Variants in CRMP1 observed in about 807,000 individuals in gnomAD.
CRMP1 encodes the protein dihydropyrimidinase-related protein 1.
In CRMP1, 19 loss-of-function variants were observed where a neutral mutation model predicts 68.3. The ratio of observed to expected loss-of-function variants is 0.28; its 90% CI spans 0.19 to 0.41. The LOEUF (loss-of-function observed/expected upper bound fraction) is 0.41. Among genes scored for constraint, CRMP1 ranks in the 10% least tolerant of loss-of-function variants. The probability of loss-of-function intolerance (pLI) is 1.00; values close to 1 mark genes in which losing one functional copy is unlikely to be tolerated. For missense variants in CRMP1, 791 were observed against 967.4 expected (o/e 0.82, Z 2.42); for synonymous variants, 439 against 399.6 (o/e 1.10, Z -1.18).
Position 5,850,932 on chromosome 4 carries a change from A to G in CRMP1, c.882+476T>C, listed in dbSNP as rs1560501550. Among the ~76,000 whole-genome samples, 1 of 152,206 alleles carries G rather than the reference A, an allele frequency of 6.6e-6. No individual in the cohort carries two copies. The highest frequency in any genetic ancestry group is 1.5e-5 in the Non-Finnish European group (1 of 68,030). ...CTGTTGGCAGGGCCAGAAATGTTCCATCTTACAAATGTGAGGAGATGACTT... is the reference window on the plus strand; with the variant it reads ...CTGTTGGCAGGGCCAGAAATGTTCCGTCTTACAAATGTGAGGAGATGACTT... On this transcript the variant is annotated intron_variant, in intron 5 of 13. Coordinates refer to ENST00000324989, the MANE Select transcript of CRMP1 (RefSeq NM_001014809.3). This position sits in a 1 kb window ranked among gnomAD's most constrained non-coding sequence, Gnocchi z 4.4.
At position 5,860,365 on chromosome 4, in the gene CRMP1, C is replaced by T. The variant is rs574910542; in HGVS notation, c.655+661G>A. Among the ~76,000 whole-genome samples, 52 of 152,296 alleles carry T rather than the reference C, an allele frequency of 3.4e-4. No individual in the cohort carries two copies. Among genetic ancestry groups the T allele is most frequent in the Non-Finnish European group, 6.8e-4 (46 of 68,022 alleles). On this transcript the variant is annotated intron_variant, in intron 3 of 13. Transcript: ENST00000324989. This position sits in a 1 kb window ranked among gnomAD's most constrained non-coding sequence, Gnocchi z 4.2. ...AGACCCATGGTGCCTGAATCCAACC[C>T]AAAGCTAAGCACAGCCACTCCAGCC...
chr4:5,857,007 A>ACC (rs2152466295), intron 3 of CRMP1, among the ~76,000 whole-genome samples: 1 of 3,966 alleles, frequency 2.5e-4, no homozygotes, highest in Admixed American at 2.3e-3. Flanking sequence ...ATCCACTATC[A>ACC]TCACCACCAT....
chr4:5,864,172 C>T (rs964800004), intron 2 of CRMP1, among the ~76,000 whole-genome samples: 10 of 152,134 alleles, frequency 6.6e-5, no homozygotes, highest in Non-Finnish European at 1.3e-4. Context: ...CTGTATACTC[C>T]GGGATTGCGG....
intron 1 of CRMP1, among the ~76,000 whole-genome samples, chr4:5,886,985 T>A (rs1715637995): frequency 3.3e-5 from 5 of 152,018 alleles, no homozygotes; most frequent in Admixed American, 3.3e-4. Flanking sequence ...CCAGGAGGAA[T>A]TTTCTAACTC....
chr4:5,886,699 T>C (rs1022543858), intron 1 of CRMP1, among the ~76,000 whole-genome samples: 6 of 152,218 alleles, frequency 3.9e-5, no homozygotes, highest in Non-Finnish European at 8.8e-5. Context: ...AGTCACTGCA[T>C]CACCCCGACC....
rs1713437284 is a variant in CRMP1, at chr4:5,860,242, G to A, written c.655+784C>T. Among the ~76,000 whole-genome samples, 1 of 152,192 alleles carries A rather than the reference G, an allele frequency of 6.6e-6. No homozygotes were observed. Among genetic ancestry groups the A allele is most frequent in the Non-Finnish European group, 1.5e-5 (1 of 68,044 alleles). ...TTGCAGCATGGAAGTGAGGAGATGAGGCAGTGAGAAGAAAGGCAAGTTTCG... is the reference window on the plus strand; with the variant it reads ...TTGCAGCATGGAAGTGAGGAGATGAAGCAGTGAGAAGAAAGGCAAGTTTCG... On this transcript the variant is annotated intron_variant, in intron 3 of 13. Transcript: ENST00000324989. The surrounding 1 kb of genome is among the most constrained non-coding windows in gnomAD (Gnocchi z 4.2).
rs1457501355 is a variant in CRMP1, at chr4:5,838,649, G to C, written c.1310+873C>G. Among the ~76,000 whole-genome samples the C allele has an allele frequency of 1.3e-5, 2 of 152,124 alleles. No individual in the cohort carries two copies. Among genetic ancestry groups the C allele is most frequent in the African/African-American group, 2.4e-5 (1 of 41,414 alleles). ...AAGATCTGCAGTTCTTTGTAAACGT[G>C]AGCTGCCCACCAGACATTGGACTGC... On this transcript the variant is annotated intron_variant, in intron 9 of 13. Transcript: ENST00000324989. The surrounding 1 kb of genome is among the most constrained non-coding windows in gnomAD (Gnocchi z 4.9).
chr4:5,851,833 G>A (rs1220880319), intron 4 of CRMP1, among the ~76,000 whole-genome samples: 1 of 129,778 alleles, frequency 7.7e-6, no homozygotes, highest in Non-Finnish European at 1.7e-5. Flanking sequence ...GAGAAAGAAG[G>A]AGAAGGGGAG....
At chr4:5,857,915 G>A (rs1429758331) in intron 3 of CRMP1, among the ~76,000 whole-genome samples, 1 of 152,134 alleles carries the variant, frequency 6.6e-6, no homozygotes, top group Non-Finnish European at 1.5e-5. Flanking sequence ...CTCCCTTGAG[G>A]CTTACTGCCC....
Position 5,872,112 on chromosome 4 carries a change from A to G in CRMP1, c.382-5356T>C, listed in dbSNP as rs1256008047. ...ATTCCCAAACTCTAGAATCCATGAC[A>G]CCTCATAAGAAGATAGAACTTAGAA... On this transcript the variant is annotated intron_variant, in intron 1 of 13. Coordinates refer to ENST00000324989, the MANE Select transcript of CRMP1 (RefSeq NM_001014809.3). This position sits in a 1 kb window ranked among gnomAD's most constrained non-coding sequence, Gnocchi z 4.6. Among the ~76,000 whole-genome samples, 1 of 152,072 alleles carries G rather than the reference A, an allele frequency of 6.6e-6. No individual in the cohort carries two copies. The highest frequency in any genetic ancestry group is 1.5e-5 in the Non-Finnish European group (1 of 68,010).
chr4:5,857,951 C>G (rs1471750808), intron 3 of CRMP1, among the ~76,000 whole-genome samples: 1 of 152,214 alleles, frequency 6.6e-6, no homozygotes, highest in Non-Finnish European at 1.5e-5. Flanking sequence ...CCACCCTTCA[C>G]AGGCAGATGT....
rs1713894415 is a variant in CRMP1 at position 5,865,156 on chromosome 4, C to G, written c.470+1512G>C. Among the ~76,000 whole-genome samples, 1 of 152,086 alleles carries G rather than the reference C, an allele frequency of 6.6e-6. No individual in the cohort carries two copies. Among genetic ancestry groups the G allele is most frequent in the African/African-American group, 2.4e-5 (1 of 41,394 alleles). ...ACAGTATCAATCCCTTTCTGCCTTC[C>G]CCTTGCTCCAATTCCCCTCTGCCTT... On this transcript the variant is annotated intron_variant, in intron 2 of 13. Coordinates refer to ENST00000324989, the MANE Select transcript of CRMP1 (RefSeq NM_001014809.3). The surrounding 1 kb of genome is among the most constrained non-coding windows in gnomAD (Gnocchi z 4.1).
At chr4:5,887,605 C>T in intron 1 of CRMP1, 1 of 984,992 alleles carries the variant, frequency 1.0e-6, no homozygotes, top group Non-Finnish European at 1.2e-6. Context: ...CGCGGCCCAG[C>T]GTCGGGAACA....
chr4:5,854,680 G>A lies in CRMP1; in HGVS notation c.820+1463C>T, dbSNP rs1712917300. On this transcript the variant is annotated intron_variant, in intron 4 of 13. Transcript: ENST00000324989. This position sits in a 1 kb window ranked among gnomAD's most constrained non-coding sequence, Gnocchi z 4.0. ...AATGTAATCAGTAAAGAACTGCCAT[G>A]AAAACCACAATGGTGGTGTCTTTCA... is the stretch of plus-strand genomic sequence containing the variant. Among the ~76,000 whole-genome samples, 1 of 152,144 alleles carries A rather than the reference G, an allele frequency of 6.6e-6. No homozygotes were observed.
rs1157440074 is a variant in CRMP1 at position 5,843,724 on chromosome 4, G to A, written c.964-563C>T. ...CAGAGTTACTACGCTGATCAGATGA[G>A]CGAGCATACGAAACATGCTCAGCAC... is the stretch of plus-strand genomic sequence containing the variant. On this transcript the variant is annotated intron_variant, in intron 6 of 13. Coordinates refer to ENST00000324989, the MANE Select transcript of CRMP1 (RefSeq NM_001014809.3). The surrounding 1 kb of genome is among the most constrained non-coding windows in gnomAD (Gnocchi z 4.1). Among the ~76,000 whole-genome samples, 1 of 152,192 alleles carries A rather than the reference G, an allele frequency of 6.6e-6. No homozygotes were observed. Among genetic ancestry groups the A allele is most frequent in the African/African-American group, 2.4e-5 (1 of 41,448 alleles).
rs1439098106 is a variant in CRMP1 at position 5,853,038 on chromosome 4, C to T, written c.821-1569G>A. 6.6e-6 allele frequency among the ~76,000 whole-genome samples: 1 copy of T among 152,192 alleles called. No homozygotes were observed. The highest frequency in any genetic ancestry group is 2.4e-5 in the African/African-American group (1 of 41,442). On this transcript the variant is annotated intron_variant, in intron 4 of 13. Transcript: ENST00000324989. The surrounding 1 kb of genome is among the most constrained non-coding windows in gnomAD (Gnocchi z 4.7). ...ACAAGCCAGTCTGGAGGAGCAGGCGCATCCTGATGAGCCAGGCAGACAGCT... is the reference window on the plus strand; with the variant it reads ...ACAAGCCAGTCTGGAGGAGCAGGCGTATCCTGATGAGCCAGGCAGACAGCT...
intron 6 of CRMP1, among the ~76,000 whole-genome samples, chr4:5,846,215 G>C (rs1712185991): frequency 6.6e-6 from 1 of 152,152 alleles, no homozygotes; most frequent in South Asian, 2.1e-4. Context: ...AGAATCACTT[G>C]AACCCAGGAG....
intron 9 of CRMP1, among the ~76,000 whole-genome samples, chr4:5,839,068 A>G (rs976846940): frequency 6.6e-6 from 1 of 152,196 alleles, no homozygotes; most frequent in Non-Finnish European, 1.5e-5. Flanking sequence ...AGCAGCGGCC[A>G]CTTCTGGAGC....
chr4:5,892,989 C>G lies in CRMP1; in HGVS notation c.-20G>C. The G allele has an allele frequency of 8.6e-7, 1 of 1,167,850 alleles. No individual in the cohort carries two copies. The highest frequency in any genetic ancestry group is 1.1e-6 in the Non-Finnish European group (1 of 947,054). The allele number at this position is 1,167,850 out of a possible 1,614,324, so 72.3% of individuals were successfully genotyped here. A position where few individuals can be genotyped will look rare whatever the true frequency, so the allele number is the denominator to read the frequency against. Reference sequence around the variant, plus strand: ...CGCCATACCCGTCCAAGGCCGGCCACCCACCGCGCTCCCGCCTGCCCGCCC... The same window carrying G: ...CGCCATACCCGTCCAAGGCCGGCCAGCCACCGCGCTCCCGCCTGCCCGCCC... On this transcript the variant is annotated 5_prime_UTR_variant, in exon 1 of 14. Coordinates refer to ENST00000324989, the MANE Select transcript of CRMP1 (RefSeq NM_001014809.3). The surrounding 1 kb of genome is among the most constrained non-coding windows in gnomAD (Gnocchi z 8.6).
Sources: allele counts gnomAD v4.1 joint callset (sites outside exome capture counted in the v4.1 genomes callset), GRCh38; gene constraint gnomAD v4.1.1; non-coding constraint Gnocchi (gnomAD v3.1); transcripts MANE v1.5; gene names NCBI Gene and HGNC (gene_info 2026-07-23, HGNC 2026-07-21).